The following ACOT11 variants were observed in gnomAD, a reference collection of about 807,000 sequenced individuals.
ACOT11 encodes the protein acyl-coenzyme A thioesterase 11.
Under a neutral mutation model 77.5 loss-of-function variants are expected in ACOT11, and 69 were observed. The observed-to-expected ratio is 0.89, with a 90% CI of 0.73 to 1.09. ACOT11 has a LOEUF of 1.09. ACOT11 is among the 50% of genes least tolerant of loss of function. The probability of loss-of-function intolerance (pLI) is 0.00; values close to 1 mark genes in which losing one functional copy is unlikely to be tolerated. For missense variants in ACOT11, 766 were observed against 813.7 expected (o/e 0.94, Z 0.71); for synonymous variants, 279 against 313.0 (o/e 0.89, Z 1.15).
chr1:54,623,193 C>A, intron 15 of ACOT11: 1 of 830,210 alleles, frequency 1.2e-6, no homozygotes, highest in Non-Finnish European at 1.9e-6. Context: ...AAAAAAGGGA[C>A]TGGTCAGAGC....
At chr1:54,551,732 GTTTTGTTTTTGTTTTTGTTTTTGT>G (rs200918442) in intron 1 of ACOT11, among the ~76,000 whole-genome samples, 1 of 149,810 alleles carries the variant, frequency 6.7e-6, no homozygotes, top group Admixed American at 6.6e-5. Context: ...TTTTTGTTTT[GTTTTGTTTTTGTTTTTGTTTTTGT>G]TTTTGTTTTT....
At chr1:54,569,470 T>A (rs1653861424) in intron 1 of ACOT11, among the ~76,000 whole-genome samples, 1 of 152,182 alleles carries the variant, frequency 6.6e-6, no homozygotes, top group Non-Finnish European at 1.5e-5. Flanking sequence ...GGCCTGGTTG[T>A]CATCCTGAGC....
intron 3 of ACOT11, among the ~76,000 whole-genome samples, chr1:54,589,750 G>A (rs1654639572): frequency 6.6e-6 from 1 of 152,032 alleles, no homozygotes; most frequent in Non-Finnish European, 1.5e-5. Context: ...GCCTTCTAAA[G>A]CATTAAGATA....
chr1:54,613,027 G>A (rs1419036475), downstream of ACOT11, among the ~76,000 whole-genome samples: 7 of 151,766 alleles, frequency 4.6e-5, no homozygotes, highest in Non-Finnish European at 5.9e-5. Flanking sequence ...AGCCCCCAGC[G>A]TGTGGGAATC....
intron 1 of ACOT11, among the ~76,000 whole-genome samples, chr1:54,572,065 A>C (rs1339629488): frequency 2.0e-5 from 3 of 151,944 alleles, no homozygotes; most frequent in Non-Finnish European, 4.4e-5. Flanking sequence ...GAAGGTGCAC[A>C]GTGGGGGAGG....
At chr1:54,634,570 C>T in intron 16 of ACOT11, 1 of 581,028 alleles carries the variant, frequency 1.7e-6, no homozygotes, top group East Asian at 2.9e-5. Context: ...ATAGGGATTA[C>T]AGAACAGCCC....
chr1:54,569,296 A>G (rs1557650695), intron 1 of ACOT11, among the ~76,000 whole-genome samples: 3 of 152,088 alleles, frequency 2.0e-5, no homozygotes, highest in South Asian at 4.1e-4. Flanking sequence ...GTTGATTCCC[A>G]GCTAGAATCG....
rs1177813782 is a variant in ACOT11, at chr1:54,584,926, CA to C, written c.241+65del. 25 of 1,496,698 alleles carry C rather than the reference CA, an allele frequency of 1.7e-5. No individual in the cohort carries two copies. Among genetic ancestry groups the C allele is most frequent in the Middle Eastern group, 2.2e-4 (1 of 4,544 alleles). 92.7% of individuals were successfully genotyped at this position (1,496,698 alleles called of 1,614,324 possible). A position where few individuals can be genotyped will look rare whatever the true frequency, so the allele number is the denominator to read the frequency against. On this transcript the variant is annotated intron_variant, in intron 2 of 15. Coordinates refer to ENST00000343744, the MANE Select transcript of ACOT11 (RefSeq NM_147161.4). This position sits in a 1 kb window ranked among gnomAD's most constrained non-coding sequence, Gnocchi z 6.3. ...AGGCCCAGAGCAGGGGCCGTGCTTT[CA>C]GAGATGGTCACCGTCCACCCTAAGT...
intron 1 of ACOT11, among the ~76,000 whole-genome samples, chr1:54,551,425 G>T (rs537824282): frequency 6.6e-6 from 1 of 152,342 alleles, no homozygotes; most frequent in South Asian, 2.1e-4. Context: ...ACTGCTGAGT[G>T]CAGTGTGGTG....
chr1:54,624,558 G>A (rs1260408157), intron 15 of ACOT11, among the ~76,000 whole-genome samples: 3 of 152,134 alleles, frequency 2.0e-5, no homozygotes, highest in Non-Finnish European at 2.9e-5. Context: ...AAGGGATGGA[G>A]GCTGACTTCT....
intron 1 of ACOT11, among the ~76,000 whole-genome samples, chr1:54,567,719 C>G (rs1021490130): frequency 2.0e-5 from 3 of 152,196 alleles, no homozygotes; most frequent in African/African-American, 7.2e-5. Flanking sequence ...ACTGGCACCA[C>G]CCTGTCCCTT....
intron 15 of ACOT11, among the ~76,000 whole-genome samples, chr1:54,615,543 T>G (rs866776857): frequency 6.6e-6 from 1 of 151,780 alleles, no homozygotes; most frequent in Non-Finnish European, 1.5e-5. Context: ...CCTGGAGAGA[T>G]ACAGTGTTGC....
chr1:54,597,733 A>T (rs935060419), intron 7 of ACOT11: 7 of 337,714 alleles, frequency 2.1e-5, no homozygotes, highest in Non-Finnish European at 3.8e-5. Context: ...TTCGCTTCAC[A>T]TCAAACCATT....
At chr1:54,623,211 G>T in intron 15 of ACOT11, 3 of 1,034,822 alleles carry the variant, frequency 2.9e-6, no homozygotes, top group Non-Finnish European at 3.0e-6. Context: ...AGCTGTAAGT[G>T]AGAAGTGGGG....
intron 1 of ACOT11, chr1:54,582,446 G>C (rs1654344305): frequency 1.0e-6 from 1 of 985,292 alleles, no homozygotes; most frequent in Non-Finnish European, 1.2e-6. Context: ...GCCCCGTACA[G>C]AGGAAGTGTT....
At chr1:54,586,002 T>A in intron 3 of ACOT11, 98 bp downstream of exon 3, 1 of 1,304,760 alleles carries the variant, frequency 7.7e-7, no homozygotes, top group Non-Finnish European at 1.1e-6. Flanking sequence ...CTGTGCTGCC[T>A]AGAGCCTGAC....
intron 1 of ACOT11, among the ~76,000 whole-genome samples, chr1:54,557,263 G>A (rs1441894762): frequency 2.6e-5 from 4 of 151,300 alleles, no homozygotes; most frequent in African/African-American, 4.9e-5. Context: ...ATGGTGGTGC[G>A]CACCTGTAAT....
rs551623152 is a variant in ACOT11, at chr1:54,570,163, C to T, written c.34-14492C>T. Among the ~76,000 whole-genome samples, 149 of 152,284 alleles carry T rather than the reference C, an allele frequency of 9.8e-4. 1 individual carries two copies. Among genetic ancestry groups the T allele is most frequent in the African/African-American group, 3.4e-3 (143 of 41,548 alleles). On this transcript the variant is annotated intron_variant, in intron 1 of 15. Coordinates refer to ENST00000343744, the MANE Select transcript of ACOT11 (RefSeq NM_147161.4). ...CCCTCATGAGGTGTCTTGAGCCTCT[C>T]GAGGGCCTACAAAATGCAAAGGCTT... is the stretch of plus-strand genomic sequence containing the variant.
At chr1:54,592,701 C>T in intron 4 of ACOT11, 95 bp downstream of exon 4, 2 of 1,281,406 alleles carry the variant, frequency 1.6e-6, no homozygotes, top group Non-Finnish European at 2.2e-6. Flanking sequence ...GCCACTCACA[C>T]TTGCAGGGCC....
Sources: allele counts gnomAD v4.1 joint callset (sites outside exome capture counted in the v4.1 genomes callset), GRCh38; gene constraint gnomAD v4.1.1; non-coding constraint Gnocchi (gnomAD v3.1); transcripts MANE v1.5; gene names NCBI Gene and HGNC (gene_info 2026-07-23, HGNC 2026-07-21).